ST7L: variants seen among roughly 807,000 people sequenced by gnomAD.
ST7L encodes suppressor of tumorigenicity 7 protein-like.
Under a neutral mutation model 72.5 loss-of-function variants are expected in ST7L, and 57 were observed. The ratio of observed to expected loss-of-function variants is 0.79; its 90% CI spans 0.64 to 0.98. ST7L has a LOEUF of 0.98. Among genes scored for constraint, ST7L ranks in the 50% least tolerant of loss-of-function variants. The pLI, the probability that ST7L is intolerant of heterozygous loss-of-function variation, is 0.00. For missense variants in ST7L, 576 were observed against 672.2 expected (o/e 0.86, Z 1.58); for synonymous variants, 221 against 240.9 (o/e 0.92, Z 0.77).
Position 112,619,063 on chromosome 1 carries a change from A to C in ST7L, c.51T>G (p.Pro17=). 1 of 1,613,864 alleles carries C rather than the reference A, an allele frequency of 6.2e-7. No homozygotes were observed. Among genetic ancestry groups the C allele is most frequent in the Non-Finnish European group, 8.5e-7 (1 of 1,179,980 alleles). ...TCGGGTTTAGGCCAGGGACAGATGC[A>C]GGAGACGCTCCAACAGCTGCGGCTT... ...VGEAAAVGAS[P]ASVPGLNPTL... is the part of the protein sequence containing the mutation. The change falls in exon 1 of 15, where the codon CCT becomes CCG. Residue 17 remains proline (P), a synonymous_variant. Transcript: ENST00000358039.
chr1:112,561,378 C>CA (rs33953697), intron 11 of ST7L, among the ~76,000 whole-genome samples: 21,025 of 90,498 alleles, frequency 0.23, 3,521 homozygotes, highest in African/African-American at 0.47. Context: ...CTCCCTGCCT[C>CA]AAAAAAAAAA....
At chr1:112,605,418 T>C (rs1337096795) in intron 3 of ST7L, among the ~76,000 whole-genome samples, 1 of 148,164 alleles carries the variant, frequency 6.7e-6, no homozygotes, top group Non-Finnish European at 1.5e-5. Context: ...AGGCCAAGTG[T>C]GGTGGCTCAT....
Position 112,618,942 on chromosome 1 carries a change from T to A in ST7L, c.172A>T (p.Ile58Phe), listed in dbSNP as rs771105380. ...AGLGLLYALR[I>F]PLRLCENLAA... ...AAATTCTCACACAGCCTCAAAGGGA[T>A]CCTCAGGGCGTAAAGCAGCCCCAGC... is the stretch of plus-strand genomic sequence containing the variant. Residue 58 changes from isoleucine to phenylalanine, a missense_variant, in exon 1 of 15, where the codon ATC becomes TTC. This residue lies in a region of ST7L where 511 missense variants were observed against 600.7 expected (regional missense o/e 0.85). Coordinates refer to ENST00000358039, the MANE Select transcript of ST7L (RefSeq NM_017744.5). 1.3e-6 allele frequency: 2 copies of A among 1,582,366 alleles called. No homozygotes were observed. The highest frequency in any genetic ancestry group is 1.7e-6 in the Non-Finnish European group (2 of 1,164,536).
chr1:112,587,442 A>G (rs1665029963), intron 6 of ST7L, among the ~76,000 whole-genome samples: 1 of 152,126 alleles, frequency 6.6e-6, no homozygotes, highest in South Asian at 2.1e-4. Flanking sequence ...TCTCTACTCT[A>G]AAAATACAAA....
At chr1:112,552,296 T>C (rs1658343731) in intron 12 of ST7L, among the ~76,000 whole-genome samples, 1 of 152,178 alleles carries the variant, frequency 6.6e-6, no homozygotes, top group Non-Finnish European at 1.5e-5. Context: ...TAATGTTGAA[T>C]GAAACAACAT....
rs970176341 is a variant in ST7L at position 112,570,566 on chromosome 1, TATATAC to T, written c.1245+6414_1245+6419del. On this transcript the variant is annotated intron_variant, in intron 11 of 14. Transcript: ENST00000358039. ...AGATGTATATATATATATATATATA[TATATAC>T]ACACACACATATATTTGAAATGTCA... 7.5e-5 allele frequency among the ~76,000 whole-genome samples: 10 copies of T among 134,028 alleles called. No individual in the cohort carries two copies. The South Asian group carries it at 8.7e-4, about 12-fold the overall frequency. 87.9% of individuals were successfully genotyped at this position (134,028 alleles called of 152,430 possible). A position where few individuals can be genotyped will look rare whatever the true frequency, so the allele number is the denominator to read the frequency against.
At chr1:112,613,874 T>C (rs1379881056) in intron 2 of ST7L, among the ~76,000 whole-genome samples, 2 of 152,024 alleles carry the variant, frequency 1.3e-5, no homozygotes, top group South Asian at 4.1e-4. Flanking sequence ...ACTACAGGAA[T>C]GCGCCACCAC....
chr1:112,617,042 A>C lies in ST7L; in HGVS notation c.206-147T>G, dbSNP rs536302459. 1.9e-5 allele frequency: 10 copies of C among 536,414 alleles called. No individual in the cohort carries two copies. In the African/African-American group the frequency reaches 2.0e-4, roughly 10 times the overall value. The allele number at this position is 536,414 out of a possible 1,614,324, so 33.2% of individuals were successfully genotyped here. A position where few individuals can be genotyped will look rare whatever the true frequency, so the allele number is the denominator to read the frequency against. On this transcript the variant is annotated intron_variant, in intron 1 of 14. Coordinates refer to ENST00000358039, the MANE Select transcript of ST7L (RefSeq NM_017744.5). ...CACTTGAAAAAGTTTTAATTTGTAT[A>C]TATATTATACATAATGGCTTATCAC...
rs61818777 is a variant in ST7L at position 112,582,875 on chromosome 1, C to G, written c.857-403G>C. The stretch of plus-strand genomic sequence containing the variant: ...ATAAATGATCTACTATTCTGATACT[C>G]TCTATTGTTTTAAATGAAAAACAAA... On this transcript the variant is annotated intron_variant, in intron 7 of 14. Transcript: ENST00000358039. 2.2e-3 allele frequency among the ~76,000 whole-genome samples: 338 copies of G among 152,206 alleles called. 3 individuals are homozygous for G. The highest frequency in any genetic ancestry group is 4.1e-3 in the Admixed American group (63 of 15,294).
intron 13 of ST7L, among the ~76,000 whole-genome samples, chr1:112,544,218 A>G (rs1413615184): frequency 2.0e-5 from 3 of 152,240 alleles, no homozygotes. Context: ...AATATCCTGC[A>G]TTAGTAAGGG....
In ST7L at chr1:112,582,046, G is replaced by A. The variant is rs746621629; in HGVS notation, c.1015C>T (p.Leu339Phe). 4.3e-6 allele frequency: 7 copies of A among 1,613,480 alleles called. No individual in the cohort carries two copies. The highest frequency in any genetic ancestry group is 1.1e-5 in the South Asian group (1 of 91,066). The change falls in exon 9 of 15, where the codon CTT (leucine) becomes TTT (phenylalanine). Residue 339 changes from leucine (L) to phenylalanine (F), a missense_variant. Coordinates refer to ENST00000358039, the MANE Select transcript of ST7L (RefSeq NM_017744.5). Reference protein sequence around the residue: ...LNIHENLLESLLELQAYPDVQ... With the variant: ...LNIHENLLESFLELQAYPDVQ... ...TCTGGATAGGCCTGTAATTCTAAAAGTGATTCTAAGAGATTTTCATGGATG... is the reference window on the plus strand; with the variant it reads ...TCTGGATAGGCCTGTAATTCTAAAAATGATTCTAAGAGATTTTCATGGATG...
intron 6 of ST7L, among the ~76,000 whole-genome samples, chr1:112,586,996 T>G (rs529314518): frequency 2.0e-5 from 3 of 152,334 alleles, no homozygotes; most frequent in East Asian, 1.9e-4. Context: ...TGTCCTCTGA[T>G]GCATAAAATA....
chr1:112,611,154 C>A, intron 2 of ST7L, 151 bp from the exon 3 acceptor site: 1 of 708,564 alleles, frequency 1.4e-6, no homozygotes, highest in South Asian at 2.4e-5. Flanking sequence ...ACAAGATTCA[C>A]CAATAACATG....
chr1:112,568,884 A>ATATATATATATATATG (rs1661577685), intron 11 of ST7L, among the ~76,000 whole-genome samples: 4 of 131,704 alleles, frequency 3.0e-5, no homozygotes. Flanking sequence ...ATATATATAT[A>ATATATATATATATATG]TATAAAACAA....
At chr1:112,581,147 T>C (rs191342971) in intron 9 of ST7L, among the ~76,000 whole-genome samples, 1 of 152,216 alleles carries the variant, frequency 6.6e-6, no homozygotes, top group East Asian at 1.9e-4. Context: ...CATATTATCA[T>C]TGAACTTTGT....
At chr1:112,565,276 G>A (rs1204562948) in intron 11 of ST7L, among the ~76,000 whole-genome samples, 1 of 138,292 alleles carries the variant, frequency 7.2e-6, no homozygotes, top group Non-Finnish European at 1.5e-5. Context: ...CACCATGTCG[G>A]CCAGGCTGGT....
rs33915951 is a variant in ST7L, at chr1:112,566,294, C to CTTTTTTTTTTTTTTTTTTT, written c.1246-10277_1246-10276insAAAAAAAAAAAAAAAAAAA. Among the ~76,000 whole-genome samples, 5 of 108,976 alleles carry CTTTTTTTTTTTTTTTTTTT rather than the reference C, an allele frequency of 4.6e-5. 1 individual carries two copies. Among genetic ancestry groups the CTTTTTTTTTTTTTTTTTTT allele is most frequent in the Non-Finnish European group, 8.6e-5 (5 of 58,220 alleles). The allele number at this position is 108,976 out of a possible 152,430, so 71.5% of individuals were successfully genotyped here. A position where few individuals can be genotyped will look rare whatever the true frequency, so the allele number is the denominator to read the frequency against. On this transcript the variant is annotated intron_variant, in intron 11 of 14. Coordinates refer to ENST00000358039, the MANE Select transcript of ST7L (RefSeq NM_017744.5). ...TTTTCTTTTATTTCTTTTTCTTCTT[C>CTTTTTTTTTTTTTTTTTTT]TTCTTTTTTTTTTTTTTTTTTGAGA...
At chr1:112,527,010 CAA>C (rs1653553441) in intron 14 of ST7L, 1 of 152,224 alleles carries the variant, frequency 6.6e-6, no homozygotes, top group African/African-American at 2.4e-5. Flanking sequence ...TTCACTTGAT[CAA>C]ACACTTGCTG....
intron 5 of ST7L, 60 bp from the exon 6 acceptor site, chr1:112,591,663 G>T: frequency 7.5e-7 from 1 of 1,336,342 alleles, no homozygotes; most frequent in Non-Finnish European, 1.1e-6. Flanking sequence ...GCAAAATTAT[G>T]AAGAATAAGG....
Sources: gnomAD v4.1 joint callset for allele counts (sites outside exome capture counted in the v4.1 genomes callset) on GRCh38, gnomAD v4.1.1 for gene constraint, gnomAD v4.1.1 regional missense constraint, MANE v1.5 for transcripts, NCBI Gene and HGNC (gene_info 2026-07-23, HGNC 2026-07-21) for gene names.